RNF220: variants seen among roughly 807,000 people sequenced by gnomAD.
RNF220 encodes E3 ubiquitin-protein ligase RNF220.
In RNF220, 7 loss-of-function variants were observed where a neutral mutation model predicts 67.1. The ratio of observed to expected loss-of-function variants is 0.10; its 90% CI spans 0.06 to 0.20. RNF220 has a LOEUF of 0.20. Ranked by LOEUF, RNF220 falls within the 10% of genes least tolerant of loss-of-function variation. The probability of loss-of-function intolerance (pLI) is 1.00; values close to 1 mark genes in which losing one functional copy is unlikely to be tolerated. For missense variants in RNF220, 565 were observed against 740.3 expected, an observed-to-expected ratio of 0.76 and a Z score of 2.75; for synonymous variants, 270 against 283.2, an observed-to-expected ratio of 0.95 and a Z score of 0.47.
chr1:44,568,359 A>G (rs1238776916), intron 2 of RNF220, among the ~76,000 whole-genome samples: 3 of 152,200 alleles, frequency 2.0e-5, no homozygotes. Flanking sequence ...GTATTATCTC[A>G]CATAGGTATC....
intron 2 of RNF220, among the ~76,000 whole-genome samples, chr1:44,519,729 GATTGC>G (rs1362458340): frequency 6.6e-6 from 1 of 152,204 alleles, no homozygotes; most frequent in East Asian, 1.9e-4. Flanking sequence ...GAGAAGAATA[GATTGC>G]ACGGAAAGTC....
intron 2 of RNF220, among the ~76,000 whole-genome samples, chr1:44,479,051 G>A (rs999828469): frequency 6.6e-6 from 1 of 151,670 alleles, no homozygotes; most frequent in African/African-American, 2.4e-5. Flanking sequence ...ATCTTCAATA[G>A]TCTCTGTTTC....
chr1:44,417,312 A>G lies in RNF220; in HGVS notation c.625+4590A>G, dbSNP rs994462263. 5.3e-5 allele frequency among the ~76,000 whole-genome samples: 8 copies of G among 150,182 alleles called. No individual in the cohort carries two copies. The highest frequency in any genetic ancestry group is 1.7e-4 in the African/African-American group (7 of 41,148). On this transcript the variant is annotated intron_variant, in intron 2 of 14. Transcript: ENST00000361799. This position sits in a 1 kb window ranked among gnomAD's most constrained non-coding sequence, Gnocchi z 4.0. ...TGTGTGTGGTTGTTTCTGGTTGTTC[A>G]CTCCCAACACAGTCATGGAGACTCT...
At chr1:44,543,838 A>C (rs745703249) in intron 2 of RNF220, among the ~76,000 whole-genome samples, 4 of 152,174 alleles carry the variant, frequency 2.6e-5, no homozygotes, top group Admixed American at 1.3e-4. Flanking sequence ...CCAAATGGAA[A>C]AACCAAAAGG....
chr1:44,620,510 G>A (rs1034350396), intron 3 of RNF220, among the ~76,000 whole-genome samples: 1 of 152,242 alleles, frequency 6.6e-6, no homozygotes. Context: ...AATGATAAAA[G>A]CCATAAACTC....
At chr1:44,430,795 T>C (rs1431937102) in intron 2 of RNF220, among the ~76,000 whole-genome samples, 1 of 152,224 alleles carries the variant, frequency 6.6e-6, no homozygotes, top group African/African-American at 2.4e-5. Context: ...TCCGCCCACC[T>C]TGGCCTCCCA....
intron 2 of RNF220, among the ~76,000 whole-genome samples, chr1:44,593,999 C>T (rs1172450949): frequency 2.0e-5 from 3 of 151,296 alleles, no homozygotes; most frequent in Admixed American, 1.3e-4. Flanking sequence ...GCAGGAGAAT[C>T]GCTTGAGCCT....
At chr1:44,581,601 G>A (rs1034701075) in intron 2 of RNF220, among the ~76,000 whole-genome samples, 5 of 152,206 alleles carry the variant, frequency 3.3e-5, no homozygotes, top group African/African-American at 4.8e-5. Flanking sequence ...TTCCTAAGAC[G>A]ATCATCCTTT....
chr1:44,613,854 G>T (rs5027088), intron 2 of RNF220, among the ~76,000 whole-genome samples: 4 of 152,030 alleles, frequency 2.6e-5, no homozygotes, highest in African/African-American at 9.7e-5. Context: ...TCCAGCCTGG[G>T]CAACAGAGCA....
rs114740081 is a variant in RNF220, at chr1:44,623,617, T to C, written c.804+830T>C. Reference sequence around the variant, plus strand: ...AGGAGGCCACCCCTAGCCCATTTTATAGGGAGTGAGGAATGACTATGGAAG... The same window carrying C: ...AGGAGGCCACCCCTAGCCCATTTTACAGGGAGTGAGGAATGACTATGGAAG... On this transcript the variant is annotated intron_variant, in intron 4 of 14. Transcript: ENST00000361799. 6.1e-3 allele frequency among the ~76,000 whole-genome samples: 930 copies of C among 152,236 alleles called. 11 individuals carry two copies. The highest frequency in any genetic ancestry group is 0.02 in the African/African-American group (814 of 41,536).
At chr1:44,525,756 T>A (rs1660321536) in intron 2 of RNF220, among the ~76,000 whole-genome samples, 1 of 152,234 alleles carries the variant, frequency 6.6e-6, no homozygotes, top group Non-Finnish European at 1.5e-5. Flanking sequence ...ACTGTCCACA[T>A]CCTGGGATCC....
At chr1:44,495,252 C>CAA (rs55870438) in intron 2 of RNF220, among the ~76,000 whole-genome samples, 3,409 of 130,062 alleles carry the variant, frequency 0.026, 45 homozygotes, top group Middle Eastern at 0.036. Flanking sequence ...ACAAAAGATA[C>CAA]AAAAAAAAAA....
rs552956553 is a variant in RNF220, at chr1:44,467,987, G to A, written c.625+55265G>A. On this transcript the variant is annotated intron_variant, in intron 2 of 14. Coordinates refer to ENST00000361799, the MANE Select transcript of RNF220 (RefSeq NM_018150.4). ...GAAAGAGATGGGGAAATAGCTGGTC[G>A]GTGGAGCAGTCAGAACACACACAAC... is the stretch of plus-strand genomic sequence containing the variant. Among the ~76,000 whole-genome samples, 7 of 152,136 alleles carry A rather than the reference G, an allele frequency of 4.6e-5. No homozygotes were observed. The East Asian group carries it at 7.7e-4, about 17-fold the overall frequency.
intron 2 of RNF220, among the ~76,000 whole-genome samples, chr1:44,528,551 C>T (rs1006763594): frequency 2.0e-5 from 3 of 151,868 alleles, no homozygotes; most frequent in African/African-American, 2.4e-5. Flanking sequence ...CCACACACCT[C>T]GGCCTCCCAA....
At chr1:44,481,855 A>G (rs1040536467) in intron 2 of RNF220, among the ~76,000 whole-genome samples, 2 of 152,216 alleles carry the variant, frequency 1.3e-5, no homozygotes, top group African/African-American at 4.8e-5. Flanking sequence ...ATGATGAAGC[A>G]GTTTAAAAGA....
intron 2 of RNF220, among the ~76,000 whole-genome samples, chr1:44,450,043 C>G (rs1396210046): frequency 1.3e-5 from 2 of 152,166 alleles, no homozygotes; most frequent in Non-Finnish European, 2.9e-5. Context: ...GACCCTGTCT[C>G]TACTAAAAAT....
Position 44,565,903 on chromosome 1 carries a change from C to G in RNF220, c.626-48262C>G, listed in dbSNP as rs1363860826. Among the ~76,000 whole-genome samples, 1 of 152,184 alleles carries G rather than the reference C, an allele frequency of 6.6e-6. No individual in the cohort carries two copies. Among genetic ancestry groups the G allele is most frequent in the South Asian group, 2.1e-4 (1 of 4,826 alleles). On this transcript the variant is annotated intron_variant, in intron 2 of 14. Coordinates refer to ENST00000361799, the MANE Select transcript of RNF220 (RefSeq NM_018150.4). This position sits in a 1 kb window ranked among gnomAD's most constrained non-coding sequence, Gnocchi z 4.2. ...AATCCCACCTCATGGCTGGCCCCCA[C>G]TGCTGCTTCTCACTCCCCACCTCAG...
rs562448813 is a variant in RNF220 at position 44,615,400 on chromosome 1, G to A, written c.758+1103G>A. On this transcript the variant is annotated intron_variant, in intron 3 of 14. Coordinates refer to ENST00000361799, the MANE Select transcript of RNF220 (RefSeq NM_018150.4). Reference sequence around the variant, plus strand: ...ACTGGCAAGGTCAAATTGTAGAAACGTATGTGGGATGGAAGATATGGTTGA... The same window carrying A: ...ACTGGCAAGGTCAAATTGTAGAAACATATGTGGGATGGAAGATATGGTTGA... Among the ~76,000 whole-genome samples, 217 of 152,234 alleles carry A rather than the reference G, an allele frequency of 1.4e-3. 1 individual carries two copies. The highest frequency in any genetic ancestry group is 4.9e-3 in the African/African-American group (203 of 41,540).
chr1:44,540,580 A>C (rs748946991), intron 2 of RNF220, among the ~76,000 whole-genome samples: 2 of 152,176 alleles, frequency 1.3e-5, no homozygotes, highest in African/African-American at 2.4e-5. Flanking sequence ...TCTATGGGGA[A>C]GTTATTTATG....
Sources: allele counts gnomAD v4.1 joint callset (sites outside exome capture counted in the v4.1 genomes callset), GRCh38; gene constraint gnomAD v4.1.1; non-coding constraint Gnocchi (gnomAD v3.1); transcripts MANE v1.5; gene names NCBI Gene and HGNC (gene_info 2026-07-23, HGNC 2026-07-21).